FAM83E: variants seen among roughly 807,000 people sequenced by gnomAD.
The protein encoded by FAM83E is scaffolding CK1 anchoring protein E.
Under a neutral mutation model 34.3 loss-of-function variants are expected in FAM83E, and 29 were observed. The observed-to-expected ratio is 0.85, with a 90% CI of 0.63 to 1.15. FAM83E has a LOEUF of 1.15. Ranked by LOEUF, FAM83E falls within the 50% of genes most tolerant of loss-of-function variation. The pLI is 0.00. For synonymous variants in FAM83E, 312 were observed against 311.6 expected (o/e 1.00, Z -0.01); for missense variants, 697 against 685.0 (o/e 1.02, Z -0.20).
In FAM83E at chr19:48,602,825, TTTATTATTATTATTATTA is replaced by T. The variant is rs201384936; in HGVS notation, c.1176+651_1176+668del. Among the ~76,000 whole-genome samples, 396 of 113,988 alleles carry T rather than the reference TTTATTATTATTATTATTA, an allele frequency of 3.5e-3. 3 individuals are homozygous for T. Among genetic ancestry groups the T allele is most frequent in the African/African-American group, 0.01 (302 of 29,124 alleles). 74.8% of individuals were successfully genotyped at this position (113,988 alleles called of 152,430 possible). On this transcript the variant is annotated intron_variant, in intron 6 of 6. Transcript: ENST00000263266. ...ACTTCAGGAATGTATTTATTTATTG[TTTATTATTATTATTATTA>T]TTATTATTATTATTATTATTATTAT...
chr19:48,608,641 T>TC (rs1452296759), intron 5 of FAM83E, among the ~76,000 whole-genome samples: 1 of 150,626 alleles, frequency 6.6e-6, no homozygotes, highest in African/African-American at 2.5e-5. Context: ...AGACAGGGTT[T>TC]CCCCATGTTA....
intron 5 of FAM83E, among the ~76,000 whole-genome samples, chr19:48,606,053 G>A (rs1973923132): frequency 6.6e-6 from 1 of 151,146 alleles, no homozygotes; most frequent in Non-Finnish European, 1.5e-5. Context: ...GCTCACGTCT[G>A]TAATCCCAGC....
Position 48,614,992 on chromosome 19 carries a change from G to C in FAM83E, c.-1443C>G, listed in dbSNP as rs1192027368. ...TAGACTCAGGCTTCCCGGTCCCCGG[G>C]GGGTTGAGATTGCCTCACCTGTTCC... On this transcript the variant is annotated 5_prime_UTR_variant, in exon 1 of 7. Transcript: ENST00000263266. 4.9e-6 allele frequency: 1 copy of C among 203,666 alleles called. No individual in the cohort carries two copies. The highest frequency in any genetic ancestry group is 1.6e-4 in the East Asian group (1 of 6,382). 12.6% of individuals were successfully genotyped at this position (203,666 alleles called of 1,614,324 possible).
rs979878071 is a variant in FAM83E at position 48,613,978 on chromosome 19, C to T, written c.-606G>A. 6.2e-5 allele frequency: 61 copies of T among 985,252 alleles called. No individual in the cohort carries two copies. The highest frequency in any genetic ancestry group is 3.6e-5 in the Non-Finnish European group (30 of 829,930). The allele number at this position is 985,252 out of a possible 1,614,324, so 61.0% of individuals were successfully genotyped here. A position where few individuals can be genotyped will look rare whatever the true frequency, so the allele number is the denominator to read the frequency against. On this transcript the variant is annotated 5_prime_UTR_variant, in exon 3 of 7. Transcript: ENST00000263266. ...CTGTCTGGCAAACGCCAATGGCTTC[C>T]GACTGACAGTCACAGTATCTGCCTG...
chr19:48,607,674 A>G (rs957031059), intron 5 of FAM83E: 2 of 316,616 alleles, frequency 6.3e-6, no homozygotes, highest in African/African-American at 4.2e-5. Flanking sequence ...ATGGTAAAAA[A>G]TATATATATA....
chr19:48,614,704 T>G lies in FAM83E; in HGVS notation c.-1256+4A>C. ...CACCCATCCCCCCCATCGCCGGGGC[T>G]CACCCACACCGGCTAGTGCCGGGCT... On this transcript the variant is annotated splice_donor_region_variant and intron_variant, in intron 2 of 6. Coordinates refer to ENST00000263266, the MANE Select transcript of FAM83E (RefSeq NM_017708.4). The G allele has an allele frequency of 1.1e-6, 1 of 893,528 alleles. No homozygotes were observed. The highest frequency in any genetic ancestry group is 1.3e-6 in the Non-Finnish European group (1 of 758,778). The allele number at this position is 893,528 out of a possible 1,614,324, so 55.3% of individuals were successfully genotyped here.
chr19:48,609,977 C>T lies in FAM83E; in HGVS notation c.657G>A (p.Arg219=), dbSNP rs1233980601. The part of the protein sequence containing the change: ...NTENVDVRVV[R]GCSFQSRWRR... ...GCCAGCGGCTCTGGAAGCTGCAGCC[C>T]CGCACGACACGGACATCCACGTTCT... Residue 219 remains arginine, a synonymous_variant, in exon 5 of 7, where the codon CGG becomes CGA. Transcript: ENST00000263266. 2.5e-6 allele frequency: 4 copies of T among 1,612,630 alleles called. No individual in the cohort carries two copies. The South Asian group carries it at 4.4e-5, about 18-fold the overall frequency.
intron 6 of FAM83E, among the ~76,000 whole-genome samples, chr19:48,602,849 ATTATTATTATTATT>A (rs1470103702): frequency 7.3e-6 from 1 of 136,526 alleles, no homozygotes; most frequent in Non-Finnish European, 1.5e-5. Flanking sequence ...TATTATTATT[ATTATTATTATTATT>A]ATTATTTTGA....
chr19:48,609,847 G>A (rs781060841), intron 5 of FAM83E, 29 bp downstream of exon 5: 2 of 1,609,928 alleles, frequency 1.2e-6, no homozygotes, highest in Middle Eastern at 1.8e-4. Context: ...TAGGACGCCG[G>A]GAGGTGGGGG....
intron 5 of FAM83E, among the ~76,000 whole-genome samples, chr19:48,608,169 G>C (rs1323663829): frequency 6.6e-6 from 1 of 151,396 alleles, no homozygotes; most frequent in African/African-American, 2.4e-5. Context: ...GAGTGCAGTG[G>C]TGCAATCTTG....
At chr19:48,612,226 C>T (rs1974054064) in intron 3 of FAM83E, among the ~76,000 whole-genome samples, 1 of 152,034 alleles carries the variant, frequency 6.6e-6, no homozygotes, top group Non-Finnish European at 1.5e-5. Context: ...ACACAGCAGG[C>T]TTTCCAAGGG....
rs1974093576 is a variant in FAM83E at position 48,613,718 on chromosome 19, G to A, written c.-346C>T. The A allele has an allele frequency of 1.0e-6, 1 of 985,342 alleles. No homozygotes were observed. The highest frequency in any genetic ancestry group is 1.1e-4 in the East Asian group (1 of 8,810). The allele number at this position is 985,342 out of a possible 1,614,324, so 61.0% of individuals were successfully genotyped here. ...TGACCTCCTGACACCATCCCCAACT[G>A]TGTGACCCATCAGCTGGCCATCTCT... On this transcript the variant is annotated 5_prime_UTR_variant, in exon 3 of 7. Transcript: ENST00000263266.
intron 3 of FAM83E, among the ~76,000 whole-genome samples, chr19:48,611,466 C>CG (rs1555738181): frequency 6.6e-6 from 1 of 150,800 alleles, no homozygotes; most frequent in East Asian, 1.9e-4. Flanking sequence ...CCACGCCCGG[C>CG]TTTTTTTTTC....
chr19:48,603,797 G>C lies in FAM83E; in HGVS notation c.873C>G (p.Leu291=). The stretch of plus-strand genomic sequence containing the variant: ...AGGGTTTCTGGGGGGGCGCAGGTGG[G>C]AGCGGGCAGGAGGCCGCGTACAGCG... ...FRTLYAASCP[L]PPAPPQKPSV... Residue 291 remains leucine, a synonymous_variant, in exon 6 of 7, where the codon CTC becomes CTG. Coordinates refer to ENST00000263266, the MANE Select transcript of FAM83E (RefSeq NM_017708.4). 3 of 1,597,428 alleles carry C rather than the reference G, an allele frequency of 1.9e-6. No individual in the cohort carries two copies. The highest frequency in any genetic ancestry group is 2.2e-5 in the South Asian group (2 of 88,964).
rs1289579848 is a variant in FAM83E, at chr19:48,610,715, C to T, written c.598G>A (p.Ala200Thr). Residue 200 changes from alanine to threonine, a missense_variant, in exon 4 of 7, where the codon GCC becomes ACC. Coordinates refer to ENST00000263266, the MANE Select transcript of FAM83E (RefSeq NM_017708.4). ...RQQLPAFLEL[A>T]QQLGVNPWNT... The stretch of plus-strand genomic sequence containing the variant: ...CAGGGGTTCACCCCCAGCTGCTGGG[C>T]CAGTTCCAGGAAGGCAGGCAGCTGC... 3 of 1,582,424 alleles carry T rather than the reference C, an allele frequency of 1.9e-6. No homozygotes were observed. Among genetic ancestry groups the T allele is most frequent in the Admixed American group, 1.8e-5 (1 of 55,296 alleles).
In FAM83E at chr19:48,603,916, G is replaced by A. The variant is rs1375276470; in HGVS notation, c.759-5C>T. 2 of 1,590,558 alleles carry A rather than the reference G, an allele frequency of 1.3e-6. No homozygotes were observed. The highest frequency in any genetic ancestry group is 1.8e-5 in the Admixed American group (1 of 56,898). On this transcript the variant is annotated splice_polypyrimidine_tract_variant and splice_region_variant and intron_variant, in intron 5 of 6. Transcript: ENST00000263266. ...CGTGCGTCACTCCACGTGAAGCTGG[G>A]GGTCGGGGAGTAGGGGGTCAGAGTC... is the stretch of plus-strand genomic sequence containing the variant.
Position 48,613,585 on chromosome 19 carries a change from C to T in FAM83E, c.-213G>A. ...ACAATCACGCTGCCCAAATAAGCGA[C>T]CATCCAATGTGTCAGGCCACTCAGA... On this transcript the variant is annotated 5_prime_UTR_variant, in exon 3 of 7. Coordinates refer to ENST00000263266, the MANE Select transcript of FAM83E (RefSeq NM_017708.4). 1.4e-6 allele frequency: 2 copies of T among 1,400,206 alleles called. No individual in the cohort carries two copies. Among genetic ancestry groups the T allele is most frequent in the Non-Finnish European group, 1.8e-6 (2 of 1,081,796 alleles). The allele number at this position is 1,400,206 out of a possible 1,614,324, so 86.7% of individuals were successfully genotyped here. A position where few individuals can be genotyped will look rare whatever the true frequency, so the allele number is the denominator to read the frequency against.
At position 48,600,500 on chromosome 19, in the gene FAM83E, T is replaced by C. The variant is rs1568416778; in HGVS notation, c.*609A>G. On this transcript the variant is annotated 3_prime_UTR_variant, in exon 7 of 7. Transcript: ENST00000263266. ...ACAGGCGCCCGCCACCACACCTGGCTAATTTTTGTATTTGGTAGAGATGGG... is the reference window on the plus strand; with the variant it reads ...ACAGGCGCCCGCCACCACACCTGGCCAATTTTTGTATTTGGTAGAGATGGG... 2.6e-5 allele frequency among the ~76,000 whole-genome samples: 4 copies of C among 152,190 alleles called. No homozygotes were observed. Among genetic ancestry groups the C allele is most frequent in the African/African-American group, 9.6e-5 (4 of 41,532 alleles).
intron 5 of FAM83E, among the ~76,000 whole-genome samples, chr19:48,609,583 C>T (rs1051452804): frequency 3.9e-5 from 6 of 152,114 alleles, no homozygotes; most frequent in African/African-American, 7.2e-5. Context: ...AGCTTAGATC[C>T]CAATCCAGGT....
Sources: allele counts gnomAD v4.1 joint callset (sites outside exome capture counted in the v4.1 genomes callset), GRCh38; gene constraint gnomAD v4.1.1; transcripts MANE v1.5; gene names NCBI Gene and HGNC (gene_info 2026-07-23, HGNC 2026-07-21).